The following PCDHGA5 variants were observed in gnomAD, a reference collection of about 807,000 sequenced individuals.
PCDHGA5 encodes protocadherin gamma subfamily A, 5.
In PCDHGA5, 36 loss-of-function variants were observed where a neutral mutation model predicts 56.7. The ratio of observed to expected loss-of-function variants is 0.64; its 90% CI spans 0.49 to 0.84. PCDHGA5 has a LOEUF of 0.84. Ranked by LOEUF, PCDHGA5 falls within the 40% of genes least tolerant of loss-of-function variation. The pLI is 0.00. For missense variants in PCDHGA5, 1,305 were observed against 1,201.5 expected, an observed-to-expected ratio of 1.09 and a Z score of -1.27; for synonymous variants, 563 against 520.2, an observed-to-expected ratio of 1.08 and a Z score of -1.12.
chr5:141,400,928 G>T (rs1365073405), intron 1 of PCDHGA5, among the ~76,000 whole-genome samples: 1 of 152,154 alleles, frequency 6.6e-6, no homozygotes, highest in African/African-American at 2.4e-5. Flanking sequence ...ACTGCTAGTA[G>T]ATGTCTTTCT....
intron 1 of PCDHGA5, chr5:141,388,676 G>T: frequency 7.4e-6 from 12 of 1,613,944 alleles, no homozygotes; most frequent in Non-Finnish European, 1.0e-5. Context: ...TGCTACAGGT[G>T]ACTGCCACGG....
intron 1 of PCDHGA5, chr5:141,383,856 T>C (rs1307177086): frequency 6.2e-7 from 1 of 1,613,964 alleles, no homozygotes; most frequent in Admixed American, 1.7e-5. Flanking sequence ...AAATGGAGGT[T>C]CAGGCTCAAG....
intron 1 of PCDHGA5, chr5:141,389,928 C>A: frequency 6.2e-7 from 1 of 1,614,068 alleles, no homozygotes. Flanking sequence ...CCCCTCTGAC[C>A]TCCAGGCTGA....
intron 1 of PCDHGA5, among the ~76,000 whole-genome samples, chr5:141,430,066 G>A (rs550834063): frequency 4.1e-4 from 62 of 152,102 alleles, no homozygotes; most frequent in Non-Finnish European, 8.4e-4. Flanking sequence ...TCATTTTTAG[G>A]TTTCCATAAT....
chr5:141,365,741 A>C lies in PCDHGA5; in HGVS notation c.1411A>C (p.Ile471Leu). 2 of 1,613,506 alleles carry C rather than the reference A, an allele frequency of 1.2e-6. No individual in the cohort carries two copies. The highest frequency in any genetic ancestry group is 1.3e-5 in the African/African-American group (1 of 74,926). The change falls in exon 1 of 4, where the codon ATC becomes CTC. Residue 471 changes from isoleucine (I) to leucine (L), a missense_variant. By Grantham distance (5) the Ile-to-Leu change is conservative. Coordinates refer to ENST00000518069, the MANE Select transcript of PCDHGA5 (RefSeq NM_018918.3). ...VTENNPRGVS[I>L]FSVTAHDPDS... ...AGAAAACAATCCCAGAGGTGTCTCT[A>C]TCTTCTCTGTGACAGCCCATGACCC...
intron 1 of PCDHGA5, chr5:141,419,210 G>A: frequency 6.2e-7 from 1 of 1,613,926 alleles, no homozygotes; most frequent in Non-Finnish European, 8.5e-7. Flanking sequence ...CAACGCGCCG[G>A]TTTTCGGACA....
intron 1 of PCDHGA5, chr5:141,399,809 C>A (rs547922730): frequency 1.2e-6 from 2 of 1,613,222 alleles, no homozygotes; most frequent in Admixed American, 1.7e-5. Flanking sequence ...GTGCTGTACC[C>A]CGCGCTGGGT....
intron 1 of PCDHGA5, among the ~76,000 whole-genome samples, chr5:141,481,790 A>C (rs2154579313): frequency 6.6e-6 from 1 of 152,222 alleles, no homozygotes; most frequent in East Asian, 1.9e-4. Flanking sequence ...CGTCTCTACT[A>C]AAAATACAAA....
At chr5:141,505,151 G>T (rs2099844154) in intron 2 of PCDHGA5, among the ~76,000 whole-genome samples, 1 of 152,164 alleles carries the variant, frequency 6.6e-6, no homozygotes, top group Non-Finnish European at 1.5e-5. Context: ...GACAGAGTAA[G>T]ACCCTGTCTA....
At chr5:141,420,353 G>C (rs1281948860) in intron 1 of PCDHGA5, 1 of 1,382,260 alleles carries the variant, frequency 7.2e-7, no homozygotes, top group African/African-American at 1.5e-5. Context: ...ATTATTTTAA[G>C]ATTCTAGATA....
chr5:141,393,724 C>T (rs959974182), intron 1 of PCDHGA5: 1 of 1,613,570 alleles, frequency 6.2e-7, no homozygotes, highest in Non-Finnish European at 8.5e-7. Context: ...ATATCAATAG[C>T]AAAAAGTCTA....
chr5:141,473,382 C>A (rs780229708), intron 1 of PCDHGA5, among the ~76,000 whole-genome samples: 12 of 152,190 alleles, frequency 7.9e-5, no homozygotes, highest in Non-Finnish European at 1.8e-4. Context: ...TGGTCCCTGC[C>A]CTCCTGGAGC....
At chr5:141,404,107 T>C in intron 1 of PCDHGA5, 1 of 1,613,552 alleles carries the variant, frequency 6.2e-7, no homozygotes, top group Non-Finnish European at 8.5e-7. Flanking sequence ...TTGTCTGTTC[T>C]ATCCAGGAGA....
intron 1 of PCDHGA5, chr5:141,478,018 C>T: frequency 1.9e-6 from 3 of 1,614,124 alleles, no homozygotes; most frequent in Non-Finnish European, 2.5e-6. Context: ...CCCGTCCAGT[C>T]CAAGACACAG....
intron 1 of PCDHGA5, chr5:141,403,757 C>G (rs1326659106): frequency 6.2e-7 from 1 of 1,613,766 alleles, no homozygotes; most frequent in Non-Finnish European, 8.5e-7. Flanking sequence ...AGCCAGCGAC[C>G]TGGATGAGGG....
chr5:141,408,108 A>T, intron 1 of PCDHGA5: 1 of 1,441,874 alleles, frequency 6.9e-7, no homozygotes, highest in Non-Finnish European at 9.1e-7. Flanking sequence ...GAGACCCGGG[A>T]CTCCTCCTGT....
intron 1 of PCDHGA5, among the ~76,000 whole-genome samples, chr5:141,481,743 G>C (rs1257734207): frequency 1.3e-5 from 2 of 152,096 alleles, no homozygotes; most frequent in Non-Finnish European, 2.9e-5. Context: ...CACGAGGTCA[G>C]GAGTCCAAGA....
chr5:141,501,902 C>G (rs2154593013), intron 2 of PCDHGA5, among the ~76,000 whole-genome samples: 1 of 152,202 alleles, frequency 6.6e-6, no homozygotes, highest in East Asian at 1.9e-4. Flanking sequence ...GGTTCCAACC[C>G]CACTGTTCCA....
intron 1 of PCDHGA5, chr5:141,384,444 C>G (rs751427123): frequency 1.9e-6 from 3 of 1,613,906 alleles, no homozygotes; most frequent in Non-Finnish European, 2.5e-6. Context: ...GAGTCCTGTA[C>G]GCGCTGCAAT....
Sources: allele counts gnomAD v4.1 joint callset (sites outside exome capture counted in the v4.1 genomes callset), GRCh38; gene constraint gnomAD v4.1.1; transcripts MANE v1.5; gene names NCBI Gene and HGNC (gene_info 2026-07-23, HGNC 2026-07-21).